IL1RAPL2: variants seen among roughly 807,000 people sequenced by gnomAD.
IL1RAPL2 encodes interleukin 1 receptor accessory protein like 2.
A neutral mutation model predicts 44.1 loss-of-function variants in IL1RAPL2; 3 were observed. The ratio of observed to expected loss-of-function variants is 0.07; its 90% confidence interval spans 0.03 to 0.18. The LOEUF is 0.18. Among genes scored for constraint, IL1RAPL2 ranks in the 10% least tolerant of loss-of-function variants. The pLI, the probability that IL1RAPL2 is intolerant of heterozygous loss-of-function variation, is 1.00. For synonymous variants in IL1RAPL2, 181 were observed against 178.8 expected, an observed-to-expected ratio of 1.01 and a Z score of -0.10; for missense variants, 391 against 496.4, an observed-to-expected ratio of 0.79 and a Z score of 2.02.
intron 6 of IL1RAPL2, among the ~76,000 whole-genome samples, chrX:105,513,001 G>A (rs1457173093): frequency 9.1e-6 from 1 of 110,358 alleles, no homozygotes; most frequent in Non-Finnish European, 1.9e-5. Context: ...TCCCACTTAC[G>A]AGTGAGATCA....
chrX:104,917,720 G>T (rs1353166209), intron 2 of IL1RAPL2, among the ~76,000 whole-genome samples: 1 of 112,004 alleles, frequency 8.9e-6, no homozygotes, highest in African/African-American at 3.2e-5. Context: ...AAACACCAGG[G>T]TTTATAAATG....
chrX:105,053,501 A>T (rs192973108), intron 2 of IL1RAPL2, among the ~76,000 whole-genome samples: 1 of 111,684 alleles, frequency 9.0e-6, no homozygotes, highest in African/African-American at 3.3e-5. Flanking sequence ...CAGAGATTAC[A>T]TAACTTGCCC....
At chrX:105,029,043 G>A (rs188049112) in intron 2 of IL1RAPL2, among the ~76,000 whole-genome samples, 156 of 108,793 alleles carry the variant, frequency 1.4e-3, no homozygotes, top group African/African-American at 5.0e-3. Context: ...TTTGTATTTT[G>A]CTTGAGTGCA....
intron 2 of IL1RAPL2, among the ~76,000 whole-genome samples, chrX:104,704,903 G>T (rs921237410): frequency 1.8e-5 from 2 of 111,553 alleles, no homozygotes; most frequent in Admixed American, 1.9e-4. Context: ...ATAGCCTGAG[G>T]TTTGAAGAAA....
chrX:104,966,339 C>CT (rs1417751100), intron 2 of IL1RAPL2, among the ~76,000 whole-genome samples: 4 of 111,199 alleles, frequency 3.6e-5, no homozygotes, highest in Non-Finnish European at 7.6e-5. Context: ...ACTTATCAGA[C>CT]TTTTCTAAAA....
intron 2 of IL1RAPL2, among the ~76,000 whole-genome samples, chrX:104,880,996 A>G (rs187709238): frequency 1.4e-4 from 16 of 111,915 alleles, no homozygotes; most frequent in African/African-American, 5.2e-4. Context: ...ATGTGGTAGT[A>G]TAGTTTAACA....
intron 1 of IL1RAPL2, among the ~76,000 whole-genome samples, chrX:104,637,671 G>A (rs192096635): frequency 4.5e-5 from 5 of 110,869 alleles, no homozygotes; most frequent in East Asian, 2.8e-4. Context: ...CTCACTTGAC[G>A]ATGATGTATT....
Position 104,655,746 on chromosome X carries a change from GGTACCAGCTCCTCTTT to G in IL1RAPL2, c.-19-3143_-19-3128del, listed in dbSNP as rs1357161554. On this transcript the variant is annotated intron_variant, in intron 1 of 10. Transcript: ENST00000372582. ...TGCTAGGAACAGTTTCCAAAGGAAT[GGTACCAGCTCCTCTTT>G]GTACCTCTGGTAGAATTTGGCTGTG... 5.4e-4 allele frequency among the ~76,000 whole-genome samples: 60 copies of G among 111,821 alleles called. No individual in the cohort carries two copies. In the South Asian group the frequency reaches 0.022, roughly 41 times the overall value.
At chrX:104,624,062 C>A (rs1929450073) in intron 1 of IL1RAPL2, among the ~76,000 whole-genome samples, 1 of 111,708 alleles carries the variant, frequency 9.0e-6, no homozygotes, top group Non-Finnish European at 1.9e-5. Flanking sequence ...CCTGCAGATT[C>A]TCTTAGCTTA....
intron 2 of IL1RAPL2, among the ~76,000 whole-genome samples, chrX:104,908,758 T>C (rs1924124894): frequency 9.2e-6 from 1 of 109,034 alleles, no homozygotes; most frequent in Non-Finnish European, 1.9e-5. Context: ...ATTTCAACTT[T>C]GGTGAATCTG....
intron 5 of IL1RAPL2, among the ~76,000 whole-genome samples, chrX:105,414,312 GAGACGGGGTTTCACCATAT>G (rs1369422493): frequency 1.8e-5 from 2 of 110,757 alleles, no homozygotes; most frequent in Admixed American, 9.6e-5. Context: ...ATTTTTAGTA[GAGACGGGGTTTCACCATAT>G]AGGCCCGGCT....
At chrX:105,058,035 G>T (rs751184165) in intron 2 of IL1RAPL2, among the ~76,000 whole-genome samples, 1 of 105,520 alleles carries the variant, frequency 9.5e-6, no homozygotes, top group African/African-American at 3.5e-5. Context: ...TGCAAGCTCC[G>T]CCTCCCGGGT....
At chrX:104,704,799 C>G (rs753391212) in intron 2 of IL1RAPL2, among the ~76,000 whole-genome samples, 1 of 111,904 alleles carries the variant, frequency 8.9e-6, no homozygotes, top group Admixed American at 9.5e-5. Context: ...ACTTAATTCC[C>G]GTTCCTACTC....
At chrX:105,368,755 A>G (rs1257071893) in intron 5 of IL1RAPL2, among the ~76,000 whole-genome samples, 2 of 111,455 alleles carry the variant, frequency 1.8e-5, no homozygotes, top group Admixed American at 9.6e-5. Context: ...GTTTTCTGCC[A>G]TGATTTCTTT....
chrX:105,396,382 C>T (rs1163390840), intron 5 of IL1RAPL2, among the ~76,000 whole-genome samples: 3 of 105,772 alleles, frequency 2.8e-5, no homozygotes, highest in Non-Finnish European at 5.8e-5. Context: ...TTTTTTTAAA[C>T]AGTTGTCTCC....
intron 5 of IL1RAPL2, among the ~76,000 whole-genome samples, chrX:105,371,804 G>A (rs1319120490): frequency 8.9e-6 from 1 of 111,985 alleles, no homozygotes; most frequent in Non-Finnish European, 1.9e-5. Context: ...CTTCAAATAT[G>A]CCATTATAAT....
chrX:104,585,363 A>ATATAT (rs1928531688), intron 1 of IL1RAPL2, among the ~76,000 whole-genome samples: 1 of 23,973 alleles, frequency 4.2e-5, no homozygotes, highest in African/African-American at 5.0e-4. Flanking sequence ...TATATATATT[A>ATATAT]TATATATTAT....
chrX:104,622,729 C>G (rs768054343), intron 1 of IL1RAPL2, among the ~76,000 whole-genome samples: 2 of 111,134 alleles, frequency 1.8e-5, no homozygotes, highest in African/African-American at 6.5e-5. Flanking sequence ...CAATTTTGAC[C>G]TCAGTGCTAT....
Position 105,007,675 on chromosome X carries a change from G to A in IL1RAPL2, c.83-187800G>A, listed in dbSNP as rs770483590. Among the ~76,000 whole-genome samples the A allele has an allele frequency of 3.6e-5, 4 of 111,732 alleles. No individual in the cohort carries two copies. The South Asian group carries it at 1.5e-3, about 41-fold the overall frequency. ...GCTAAGCACAGTGCCATACACACTA[G>A]AGCTCTGCGCCTACCTTTTAAGGAA... On this transcript the variant is annotated intron_variant, in intron 2 of 10. Coordinates refer to ENST00000372582, the MANE Select transcript of IL1RAPL2 (RefSeq NM_017416.2).
Sources: gnomAD v4.1 joint callset for allele counts (sites outside exome capture counted in the v4.1 genomes callset) on GRCh38, gnomAD v4.1.1 for gene constraint, MANE v1.5 for transcripts, NCBI Gene and HGNC (gene_info 2026-07-23, HGNC 2026-07-21) for gene names.